CPM: variants seen among roughly 807,000 people sequenced by gnomAD.
CPM encodes the protein renal carboxypeptidase.
CPM carries 35 observed loss-of-function variants against 46.4 expected under a neutral mutation model. The observed-to-expected ratio is 0.75, with a 90% confidence interval of 0.58 to 1.00. The LOEUF is 1.00. Ranked by LOEUF, CPM falls within the 50% of genes least tolerant of loss-of-function variation. The probability of loss-of-function intolerance (pLI) is 0.00; values close to 1 mark genes in which losing one functional copy is unlikely to be tolerated. For synonymous variants in CPM, 195 were observed against 195.3 expected (o/e 1.00, Z 0.01); for missense variants, 422 against 530.4 (o/e 0.80, Z 2.01).
In CPM at chr12:68,942,408, C is replaced by T. The variant is rs150939616; in HGVS notation, c.-3-9568G>A. On this transcript the variant is annotated intron_variant, in intron 1 of 8. Coordinates refer to the CPM transcript ENST00000546373. ...AAATGCTATCTACATAATCAAAAAGCGTACCATAGGAAGAATATAAAAATA... is the reference window on the plus strand; with the variant it reads ...AAATGCTATCTACATAATCAAAAAGTGTACCATAGGAAGAATATAAAAATA... 4.1e-3 allele frequency among the ~76,000 whole-genome samples: 624 copies of T among 152,256 alleles called. 10 individuals carry two copies. Among genetic ancestry groups the T allele is most frequent in the African/African-American group, 0.014 (595 of 41,556 alleles).
rs200988350 is a variant in CPM at position 68,918,612 on chromosome 12, T to TAATCCAATCCAATCC, written c.160+14051_160+14065dup. Among the ~76,000 whole-genome samples, 289 of 151,698 alleles carry TAATCCAATCCAATCC rather than the reference T, an allele frequency of 1.9e-3. 3 individuals carry two copies. The highest frequency in any genetic ancestry group is 6.3e-3 in the African/African-American group (259 of 41,186). ...CTTCCTCCTCCAATCCAATCCAATC[T>TAATCCAATCCAATCC]AATCCAATCCAATCCAATCCAATCC... On this transcript the variant is annotated intron_variant, in intron 2 of 8. Coordinates refer to ENST00000551568, the MANE Select transcript of CPM (RefSeq NM_198320.5).
At chr12:68,866,261 T>C (rs569296490) in intron 7 of CPM, among the ~76,000 whole-genome samples, 2 of 152,354 alleles carry the variant, frequency 1.3e-5, no homozygotes, top group African/African-American at 4.8e-5. Context: ...AGTAGCAGCC[T>C]ATTTTCCTGA....
At chr12:68,860,862 T>C (rs1481838577) in intron 7 of CPM, among the ~76,000 whole-genome samples, 1 of 152,016 alleles carries the variant, frequency 6.6e-6, no homozygotes, top group East Asian at 1.9e-4. Flanking sequence ...CAACAAACAT[T>C]AATTCTTGCT....
intron 3 of CPM, among the ~76,000 whole-genome samples, chr12:68,878,284 T>C (rs1481685105): frequency 6.6e-6 from 1 of 152,238 alleles, no homozygotes. Context: ...ACAAAGATGA[T>C]AATAGCCTTT....
At chr12:68,960,193 T>C (rs1275389551) in intron 1 of CPM, among the ~76,000 whole-genome samples, 1 of 152,236 alleles carries the variant, frequency 6.6e-6, no homozygotes, top group African/African-American at 2.4e-5. Context: ...ATTCATTCTT[T>C]GGCTCAGGAT....
intron 7 of CPM, among the ~76,000 whole-genome samples, chr12:68,863,237 G>A (rs1301347412): frequency 6.6e-6 from 1 of 152,156 alleles, no homozygotes; most frequent in Admixed American, 6.5e-5. Flanking sequence ...TTAGGTTTCT[G>A]GATGCTGTGA....
At chr12:68,880,056 G>A (rs759073730) in intron 3 of CPM, among the ~76,000 whole-genome samples, 2 of 151,748 alleles carry the variant, frequency 1.3e-5, no homozygotes, top group Non-Finnish European at 2.9e-5. Flanking sequence ...TAGCATACAG[G>A]AATGGCAGAG....
chr12:68,888,913 A>T (rs1215076131), intron 2 of CPM, among the ~76,000 whole-genome samples: 3 of 152,246 alleles, frequency 2.0e-5, no homozygotes, highest in African/African-American at 7.2e-5. Flanking sequence ...AAGAAAGCAG[A>T]CAAGTGCTAC....
intron 2 of CPM, among the ~76,000 whole-genome samples, chr12:68,903,313 T>G (rs1404978354): frequency 6.6e-6 from 1 of 152,202 alleles, no homozygotes; most frequent in Non-Finnish European, 1.5e-5. Context: ...CAGTCAATAA[T>G]GTCCTCTCAT....
At chr12:68,958,394 T>A (rs1222341144) in intron 1 of CPM, among the ~76,000 whole-genome samples, 1 of 152,164 alleles carries the variant, frequency 6.6e-6, no homozygotes, top group Non-Finnish European at 1.5e-5. Context: ...AATGCCTTTT[T>A]TAATTTTCCC....
chr12:68,922,618 ATTT>A (rs10603077), intron 2 of CPM, among the ~76,000 whole-genome samples: 7,646 of 138,060 alleles, frequency 0.055, 463 homozygotes, highest in African/African-American at 0.15. Context: ...AGTTGGCAGC[ATTT>A]TTTTTTTTTT....
chr12:68,912,403 A>G (rs1887633594), intron 2 of CPM, among the ~76,000 whole-genome samples: 1 of 152,190 alleles, frequency 6.6e-6, no homozygotes, highest in Admixed American at 6.6e-5. Context: ...AATACCTGAT[A>G]CCACCATCTT....
chr12:68,961,120 A>G (rs1253405442), intron 1 of CPM, among the ~76,000 whole-genome samples: 1 of 152,156 alleles, frequency 6.6e-6, no homozygotes, highest in East Asian at 1.9e-4. Flanking sequence ...GAGAAGAGTC[A>G]TGAGAAAAAT....
upstream of CPM, among the ~76,000 whole-genome samples, chr12:68,935,335 A>G (rs1888657025): frequency 6.6e-6 from 1 of 151,986 alleles, no homozygotes; most frequent in South Asian, 2.1e-4. Flanking sequence ...ATCTCAGCTC[A>G]CTGCAGCCTC....
intron 6 of CPM, 98 bp from the exon 7 acceptor site, chr12:68,867,146 A>G: frequency 8.5e-7 from 1 of 1,179,490 alleles, no homozygotes; most frequent in Non-Finnish European, 1.2e-6. Flanking sequence ...AGCTACATGT[A>G]AACAGGAAAA....
intron 1 of CPM, among the ~76,000 whole-genome samples, chr12:68,955,317 A>G (rs908896531): frequency 2.0e-5 from 3 of 152,200 alleles, no homozygotes; most frequent in African/African-American, 7.2e-5. Flanking sequence ...AATTTGTAAA[A>G]CAAAGTACTC....
chr12:68,881,743 G>A (rs1230283246), intron 3 of CPM, among the ~76,000 whole-genome samples: 2 of 142,488 alleles, frequency 1.4e-5, no homozygotes, highest in Non-Finnish European at 3.0e-5. Flanking sequence ...TTTTTTTTGA[G>A]ACAGTCTCAC....
intron 7 of CPM, among the ~76,000 whole-genome samples, chr12:68,861,386 G>A (rs1885205382): frequency 6.6e-6 from 1 of 152,086 alleles, no homozygotes; most frequent in Admixed American, 6.6e-5. Flanking sequence ...AAATCCATGC[G>A]TTTCAGCAAG....
chr12:68,912,143 G>T (rs969232273), intron 2 of CPM, among the ~76,000 whole-genome samples: 2 of 152,118 alleles, frequency 1.3e-5, no homozygotes, highest in African/African-American at 4.8e-5. Context: ...AAGTAGCTGG[G>T]ATTACAGGCA....
Sources: allele counts gnomAD v4.1 joint callset (sites outside exome capture counted in the v4.1 genomes callset), GRCh38; gene constraint gnomAD v4.1.1; transcripts MANE v1.5; gene names NCBI Gene and HGNC (gene_info 2026-07-23, HGNC 2026-07-21).